QTMAN: variants seen among roughly 807,000 people sequenced by gnomAD.
QTMAN encodes the protein queuosine-tRNA mannosyltransferase.
At chr2:144,136,156 T>C in the QTMAN span, among the ~76,000 whole-genome samples, 2 of 151,666 alleles carry the variant, frequency 1.3e-5, no homozygotes, top group Non-Finnish European at 2.9e-5. Context: ...TGAAACGCCA[T>C]CTCTACAAAA....
chr2:144,257,557 C>A, the QTMAN span, among the ~76,000 whole-genome samples: 1 of 152,164 alleles, frequency 6.6e-6, no homozygotes, highest in Non-Finnish European at 1.5e-5. Context: ...GCACAGTGAC[C>A]TTTACAGTAC....
At chr2:144,046,426 A>C in the QTMAN span, among the ~76,000 whole-genome samples, 1 of 152,186 alleles carries the variant, frequency 6.6e-6, no homozygotes, top group African/African-American at 2.4e-5. Context: ...GTTCTGTCAT[A>C]CAGACCATAA....
At chr2:143,940,501 C>T in the QTMAN span, 1 of 152,090 alleles carries the variant, frequency 6.6e-6, no homozygotes, top group South Asian at 2.1e-4. Context: ...CCAAAAAAGC[C>T]CCTTATTTTC....
the QTMAN span, among the ~76,000 whole-genome samples, chr2:144,187,780 CA>C: frequency 5.1e-4 from 77 of 152,156 alleles, no homozygotes; most frequent in South Asian, 0.012. Flanking sequence ...ATGTATCCCC[CA>C]AAAAGATACA....
chr2:144,283,645 T>C, the QTMAN span, among the ~76,000 whole-genome samples: 1 of 152,210 alleles, frequency 6.6e-6, no homozygotes, highest in Non-Finnish European at 1.5e-5. Context: ...TCATAAATTC[T>C]ATTTATGAAA....
At chr2:144,218,027 C>T in the QTMAN span, among the ~76,000 whole-genome samples, 1 of 152,166 alleles carries the variant, frequency 6.6e-6, no homozygotes, top group Non-Finnish European at 1.5e-5. Flanking sequence ...CCATTGTTAT[C>T]TCTAGCACTC....
the QTMAN span, among the ~76,000 whole-genome samples, chr2:144,116,666 T>C: frequency 6.6e-6 from 1 of 152,142 alleles, no homozygotes; most frequent in Admixed American, 6.5e-5. Flanking sequence ...GCAAGAGAAA[T>C]ATACTCGAGC....
At chr2:144,026,383 C>T in the QTMAN span, among the ~76,000 whole-genome samples, 29 of 152,002 alleles carry the variant, frequency 1.9e-4, no homozygotes, top group East Asian at 3.9e-4. Flanking sequence ...TGCAGTGAGC[C>T]GAGACTGCAC....
At chr2:144,135,256 G>A in the QTMAN span, among the ~76,000 whole-genome samples, 6 of 152,146 alleles carry the variant, frequency 3.9e-5, no homozygotes, top group Non-Finnish European at 8.8e-5. Flanking sequence ...GGGGACAGAC[G>A]GAAGAAGTTG....
the QTMAN span, among the ~76,000 whole-genome samples, chr2:144,124,162 C>T: frequency 1.3e-5 from 2 of 152,038 alleles, no homozygotes; most frequent in East Asian, 1.9e-4. Context: ...ATGCTTTAAA[C>T]CCCCAGAATG....
chr2:144,208,613 C>A, the QTMAN span: 1 of 1,612,880 alleles, frequency 6.2e-7, no homozygotes, highest in South Asian at 1.1e-5. Flanking sequence ...CTGTAATGCT[C>A]ACTGATGGGA....
the QTMAN span, among the ~76,000 whole-genome samples, chr2:144,171,582 A>C: frequency 6.6e-6 from 1 of 152,176 alleles, no homozygotes; most frequent in African/African-American, 2.4e-5. Flanking sequence ...TAAATCAATA[A>C]TTTTCTGTGG....
At chr2:144,271,733 T>A in the QTMAN span, among the ~76,000 whole-genome samples, 1 of 152,102 alleles carries the variant, frequency 6.6e-6, no homozygotes, top group African/African-American at 2.4e-5. Flanking sequence ...TCTCCCTCAA[T>A]CTCTACCAGT....
the QTMAN span, among the ~76,000 whole-genome samples, chr2:143,975,073 C>T: frequency 2.0e-5 from 3 of 152,208 alleles, no homozygotes; most frequent in Non-Finnish European, 4.4e-5. Context: ...AGAAATATTT[C>T]AAGCTTACTG....
At chr2:144,115,550 C>T in the QTMAN span, among the ~76,000 whole-genome samples, 6 of 152,320 alleles carry the variant, frequency 3.9e-5, no homozygotes, top group African/African-American at 9.6e-5. Flanking sequence ...ACCAGGACAT[C>T]GCTCCCTGTG....
chr2:144,277,329 C>T, the QTMAN span, among the ~76,000 whole-genome samples: 1 of 151,982 alleles, frequency 6.6e-6, no homozygotes, highest in Non-Finnish European at 1.5e-5. Flanking sequence ...TTTATGAAAA[C>T]TTTACCTTAA....
At chr2:144,271,463 TTCAGAGGACTGGGTC>T in the QTMAN span, among the ~76,000 whole-genome samples, 4 of 152,344 alleles carry the variant, frequency 2.6e-5, no homozygotes, top group African/African-American at 9.6e-5. Context: ...AATTATCCAT[TTCAGAGGACTGGGTC>T]TCAGAGAACA....
At chr2:143,999,907 TAACA>T in the QTMAN span, among the ~76,000 whole-genome samples, 2 of 152,108 alleles carry the variant, frequency 1.3e-5, no homozygotes, top group East Asian at 3.9e-4. Context: ...TATTCTATTA[TAACA>T]GTACCAAGAT....
the QTMAN span, among the ~76,000 whole-genome samples, chr2:143,972,224 T>C: frequency 6.6e-6 from 1 of 152,144 alleles, no homozygotes; most frequent in Non-Finnish European, 1.5e-5. Flanking sequence ...TCTTCAACCA[T>C]ATCAATCAAA....
Sources: allele counts gnomAD v4.1 joint callset (sites outside exome capture counted in the v4.1 genomes callset), GRCh38; gene constraint gnomAD v4.1.1; transcripts MANE v1.5; gene names NCBI Gene and HGNC (gene_info 2026-07-23, HGNC 2026-07-21).